MTR: variants seen among roughly 807,000 people sequenced by gnomAD.
The protein encoded by MTR is 5-methyltetrahydrofolate-homocysteine methyltransferase, also known as methionine synthase.
MTR carries 84 observed loss-of-function variants against 154.8 expected under a neutral mutation model. The observed-to-expected ratio is 0.54, with a 90% CI of 0.45 to 0.65. MTR has a LOEUF of 0.65. MTR is among the 30% of genes least tolerant of loss of function. The probability of loss-of-function intolerance (pLI) is 0.00; values close to 1 mark genes in which losing one functional copy is unlikely to be tolerated. For synonymous variants in MTR, 554 were observed against 553.9 expected (o/e 1.00, Z 0.00); for missense variants, 1,275 against 1,570.2 (o/e 0.81, Z 3.18).
At chr1:236,842,780 AG>A (rs1663332486) in intron 15 of MTR, among the ~76,000 whole-genome samples, 1 of 91,408 alleles carries the variant, frequency 1.1e-5, no homozygotes, top group African/African-American at 6.4e-5. Flanking sequence ...TAAAAAAAAA[AG>A]ATGTATATAT....
chr1:236,856,784 T>A (rs1361778845), intron 18 of MTR, among the ~76,000 whole-genome samples: 1 of 152,178 alleles, frequency 6.6e-6, no homozygotes, highest in Non-Finnish European at 1.5e-5. Flanking sequence ...ATGCAGTGTT[T>A]CGTTTTCTGT....
At chr1:236,874,916 A>G (rs1665347081) in intron 24 of MTR, 70 bp downstream of exon 24, 3 of 1,545,638 alleles carry the variant, frequency 1.9e-6, no homozygotes, top group Non-Finnish European at 2.7e-6. Context: ...AACAGTGGGA[A>G]ACCTGTGTTG....
At chr1:236,869,625 G>A (rs4659735) in intron 22 of MTR, among the ~76,000 whole-genome samples, 19,559 of 152,186 alleles carry the variant, frequency 0.13, 1,601 homozygotes, top group South Asian at 0.19. Flanking sequence ...ACAGACATAG[G>A]GTATGGCTCA....
rs1666812105 is a variant in MTR at position 236,899,007 on chromosome 1, AT to A, written c.*1365del. On this transcript the variant is annotated 3_prime_UTR_variant, in exon 33 of 33. Coordinates refer to ENST00000366577, the MANE Select transcript of MTR (RefSeq NM_000254.3). ...GTGGCAATAGTCAGGAGAAGGTAAC[AT>A]TGGAGTCCTGGTTTGATTCGAAGGA... The A allele has an allele frequency of 6.6e-6, 1 of 152,210 alleles. No individual in the cohort carries two copies. Among genetic ancestry groups the A allele is most frequent in the African/African-American group, 2.4e-5 (1 of 41,450 alleles). The allele number at this position is 152,210 out of a possible 1,614,324, so 9.4% of individuals were successfully genotyped here.
At chr1:236,892,973 C>T (rs1666413571) in intron 29 of MTR, among the ~76,000 whole-genome samples, 1 of 152,140 alleles carries the variant, frequency 6.6e-6, no homozygotes, top group Non-Finnish European at 1.5e-5. Context: ...ACATACATTA[C>T]CTACCCAGGT....
At position 236,889,248 on chromosome 1, in the gene MTR, T is replaced by C. The variant is rs749047725; in HGVS notation, c.2919T>C (p.Ile973=). The change falls in exon 28 of 33, where the codon ATT becomes ATC. Residue 973 remains isoleucine (I), a synonymous_variant. Coordinates refer to ENST00000366577, the MANE Select transcript of MTR (RefSeq NM_000254.3). ...DYDLQKLVDY[I]DWKPFFDVWQ... is the part of the protein sequence containing the mutation. Reference sequence around the variant, plus strand: ...ACCTGCAGAAGCTGGTGGACTACATTGACTGGAAGCCTTTCTTTGATGTCT... The same window carrying C: ...ACCTGCAGAAGCTGGTGGACTACATCGACTGGAAGCCTTTCTTTGATGTCT... 6.2e-7 allele frequency: 1 copy of C among 1,614,214 alleles called. No homozygotes were observed. The highest frequency in any genetic ancestry group is 8.5e-7 in the Non-Finnish European group (1 of 1,180,044).
chr1:236,816,750 A>T (rs1661618300), intron 8 of MTR, among the ~76,000 whole-genome samples: 1 of 152,162 alleles, frequency 6.6e-6, no homozygotes, highest in Non-Finnish European at 1.5e-5. Flanking sequence ...GGACTGGGAG[A>T]GTTCTCATAC....
chr1:236,846,587 C>T lies in MTR; in HGVS notation c.1516-3757C>T, dbSNP rs112699134. 3.1e-3 allele frequency among the ~76,000 whole-genome samples: 476 copies of T among 152,188 alleles called. 2 individuals are homozygous for T. Among genetic ancestry groups the T allele is most frequent in the African/African-American group, 0.011 (446 of 41,516 alleles). On this transcript the variant is annotated intron_variant, in intron 15 of 32. Coordinates refer to ENST00000366577, the MANE Select transcript of MTR (RefSeq NM_000254.3). The stretch of plus-strand genomic sequence containing the variant: ...CTGGAAAATAACAAGGAATTGGTAT[C>T]TTGCCAGTGTTTAGATTTGTCATTG...
intron 13 of MTR, among the ~76,000 whole-genome samples, chr1:236,834,927 C>T (rs886292640): frequency 6.6e-6 from 1 of 152,136 alleles, no homozygotes; most frequent in African/African-American, 2.4e-5. Context: ...AAAAGCCTTC[C>T]AGTGTTATAA....
intron 27 of MTR, among the ~76,000 whole-genome samples, chr1:236,886,857 A>G (rs1666037410): frequency 6.6e-6 from 1 of 152,222 alleles, no homozygotes. Context: ...AAATGTCTAA[A>G]ATGGGAAACG....
chr1:236,883,619 C>T (rs1453316412), intron 25 of MTR, among the ~76,000 whole-genome samples: 4 of 152,106 alleles, frequency 2.6e-5, no homozygotes, highest in African/African-American at 4.8e-5. Context: ...GTTTCCTAAA[C>T]GAGGACTCCA....
At chr1:236,895,571 G>C (rs779668876) in intron 31 of MTR, 21 bp downstream of exon 31, 1 of 1,555,274 alleles carries the variant, frequency 6.4e-7, no homozygotes, top group Non-Finnish European at 8.7e-7. Flanking sequence ...GGAGGCTGCG[G>C]GTTCCTGTCT....
intron 22 of MTR, among the ~76,000 whole-genome samples, chr1:236,867,816 T>C (rs1003946870): frequency 1.3e-5 from 2 of 152,266 alleles, no homozygotes; most frequent in East Asian, 3.9e-4. Flanking sequence ...GAATTAAAAG[T>C]GGAGCCTGAA....
chr1:236,897,300 C>CCACGCACGCACGCACGCACACACA (rs1666680163), intron 32 of MTR, among the ~76,000 whole-genome samples, 182 bp downstream of exon 32: 1 of 30,712 alleles, frequency 3.3e-5, no homozygotes, highest in African/African-American at 9.7e-5. Flanking sequence ...TACATGCAAG[C>CCACGCACGCACGCACGCACACACA]CACACACACG....
chr1:236,862,187 T>C, intron 20 of MTR, 49 bp from the exon 21 acceptor site: 1 of 1,497,532 alleles, frequency 6.7e-7, no homozygotes, highest in Non-Finnish European at 9.3e-7. Context: ...CCATCAGCAG[T>C]TGTTCCTGTG....
chr1:236,881,326 C>T (rs1665722793), intron 25 of MTR, among the ~76,000 whole-genome samples: 2 of 152,162 alleles, frequency 1.3e-5, no homozygotes, highest in South Asian at 4.1e-4. Context: ...CACCCACGTC[C>T]TGCTTTTCTC....
At chr1:236,857,774 G>A (rs1572274401) in intron 18 of MTR, among the ~76,000 whole-genome samples, 1 of 152,160 alleles carries the variant, frequency 6.6e-6, no homozygotes, top group East Asian at 1.9e-4. Flanking sequence ...AGTGCAGGAC[G>A]CTAGGAGAAG....
intron 22 of MTR, among the ~76,000 whole-genome samples, chr1:236,870,094 G>C (rs992935841): frequency 6.6e-5 from 10 of 152,294 alleles, no homozygotes; most frequent in African/African-American, 2.4e-4. Context: ...CTGGGCCTCT[G>C]TCCTACATGG....
At chr1:236,858,114 G>A (rs2103280933) in intron 18 of MTR, among the ~76,000 whole-genome samples, 1 of 152,280 alleles carries the variant, frequency 6.6e-6, no homozygotes, top group African/African-American at 2.4e-5. Context: ...CAGATCAGGT[G>A]TACTAGTCCA....
Sources: allele counts gnomAD v4.1 joint callset (sites outside exome capture counted in the v4.1 genomes callset), GRCh38; gene constraint gnomAD v4.1.1; transcripts MANE v1.5; gene names NCBI Gene and HGNC (gene_info 2026-07-23, HGNC 2026-07-21).